TSC22D1: variants seen among roughly 807,000 people sequenced by gnomAD.
TSC22D1 encodes the protein TSC22 domain family member 1.
Under a neutral mutation model 74.2 loss-of-function variants are expected in TSC22D1, and 9 were observed. The ratio of observed to expected loss-of-function variants is 0.12; its 90% CI spans 0.07 to 0.21. TSC22D1 has a LOEUF of 0.21. Among genes scored for constraint, TSC22D1 ranks in the 10% least tolerant of loss-of-function variants. TSC22D1 has a pLI of 1.00. For synonymous variants in TSC22D1, 586 were observed against 492.5 expected (o/e 1.19, Z -2.51); for missense variants, 1,427 against 1,304.7 (o/e 1.09, Z -1.44).
intron 1 of TSC22D1, among the ~76,000 whole-genome samples, chr13:44,471,791 C>T (rs1877622364): frequency 2.0e-5 from 3 of 152,150 alleles, no homozygotes; most frequent in Non-Finnish European, 2.9e-5. Context: ...CTACCAATTA[C>T]AGGAGTCCTC....
chr13:44,493,274 C>CTCAGT (rs2137963267), intron 1 of TSC22D1, among the ~76,000 whole-genome samples: 1 of 152,312 alleles, frequency 6.6e-6, no homozygotes, highest in East Asian at 1.9e-4. Flanking sequence ...CAGCGTGGGA[C>CTCAGT]TCCAGTTCTA....
intron 1 of TSC22D1, among the ~76,000 whole-genome samples, chr13:44,497,944 C>G (rs1566140368): frequency 6.6e-6 from 1 of 152,076 alleles, no homozygotes; most frequent in African/African-American, 2.4e-5. Context: ...GCTCCTTATC[C>G]TAGCACAAAA....
Position 44,573,992 on chromosome 13 carries a change from G to T in TSC22D1, c.2083C>A (p.Pro695Thr). The change falls in exon 1 of 3, where the codon CCA becomes ACA. Residue 695 changes from proline to threonine, a missense_variant. Physicochemically the swap from Pro to Thr is conservative, Grantham distance 38. Transcript: ENST00000458659. ...PVAQPQGIQL[P>T]VQPTAVPAQP... ...GCTGGGACTGCTGTGGGCTGCACTG[G>T]CAGCTGGATACCCTGTGGCTGAGCC... 2 of 1,614,032 alleles carry T rather than the reference G, an allele frequency of 1.2e-6. No homozygotes were observed. The highest frequency in any genetic ancestry group is 1.7e-6 in the Non-Finnish European group (2 of 1,180,030).
intron 1 of TSC22D1, chr13:44,436,744 C>G (rs1874682539): frequency 6.7e-7 from 1 of 1,484,464 alleles, no homozygotes; most frequent in Admixed American, 2.4e-5. Context: ...AAAACGGCAG[C>G]CCTAATTTAA....
At chr13:44,517,573 G>A (rs1880055839) in intron 1 of TSC22D1, among the ~76,000 whole-genome samples, 1 of 151,202 alleles carries the variant, frequency 6.6e-6, no homozygotes, top group African/African-American at 2.4e-5. Flanking sequence ...GGCCAGGTGC[G>A]GTGGCTTGCG....
chr13:44,499,545 C>T lies in TSC22D1; in HGVS notation c.2913-63450G>A, dbSNP rs934737153. Among the ~76,000 whole-genome samples the T allele has an allele frequency of 2.0e-5, 3 of 152,090 alleles. No individual in the cohort carries two copies. In the East Asian group the frequency reaches 5.8e-4, roughly 29 times the overall value. ...TTTACAACATCTATAGATTTCAAAC[C>T]CTGGAAGGCATGAAGCACAACTATA... On this transcript the variant is annotated intron_variant, in intron 1 of 2. Transcript: ENST00000458659.
chr13:44,575,895 A>C lies in TSC22D1; in HGVS notation c.180T>G (p.Pro60=). The C allele has an allele frequency of 7.4e-6, 12 of 1,613,944 alleles. No individual in the cohort carries two copies. Among genetic ancestry groups the C allele is most frequent in the Non-Finnish European group, 9.3e-6 (11 of 1,179,990 alleles). ...SNATSSEDFP[P]PSLLQPPPPA... ...GGGGCGGCGGCTGAAGCAGCGACGG[A>C]GGCGGAAAATCCTCGGAAGATGTGG... The change falls in exon 1 of 3, where the codon CCT becomes CCG. Residue 60 remains proline, a synonymous_variant. Transcript: ENST00000458659.
chr13:44,472,441 G>A (rs1877657910), intron 1 of TSC22D1, among the ~76,000 whole-genome samples: 1 of 151,930 alleles, frequency 6.6e-6, no homozygotes, highest in Admixed American at 6.6e-5. Context: ...CTCAACCATT[G>A]ACATATCTGA....
Position 44,561,294 on chromosome 13 carries a change from A to T in TSC22D1, c.2912+11869T>A, listed in dbSNP as rs111424330. On this transcript the variant is annotated intron_variant, in intron 1 of 2. Coordinates refer to ENST00000458659, the MANE Select transcript of TSC22D1 (RefSeq NM_183422.4). ...CCATTTCTACCACTGAGGAAAAAGGAATTATTGAGTTTCTCATACTCAATT... is the reference window on the plus strand; with the variant it reads ...CCATTTCTACCACTGAGGAAAAAGGTATTATTGAGTTTCTCATACTCAATT... Among the ~76,000 whole-genome samples the T allele has an allele frequency of 3.0e-4, 46 of 152,324 alleles. 1 individual carries two copies. The highest frequency in any genetic ancestry group is 1.1e-3 in the African/African-American group (46 of 41,580).
chr13:44,444,278 CAAAAAAAAAAAAAAAAAAAAAAAAA>C (rs71070905), intron 1 of TSC22D1, among the ~76,000 whole-genome samples: 1 of 17,580 alleles, frequency 5.7e-5, no homozygotes, highest in Non-Finnish European at 9.5e-5. Context: ...GACTCTGTCT[CAAAAAAAAAAAAAAAAAAAAAAAAA>C]AAAAAGAAAA....
At chr13:44,484,492 C>T (rs1175106701) in intron 1 of TSC22D1, among the ~76,000 whole-genome samples, 1 of 152,056 alleles carries the variant, frequency 6.6e-6, no homozygotes, top group African/African-American at 2.4e-5. Context: ...CAGAAACATA[C>T]GTTACTTTAA....
chr13:44,556,651 G>A (rs946397306), intron 1 of TSC22D1, among the ~76,000 whole-genome samples: 1 of 151,550 alleles, frequency 6.6e-6, no homozygotes, highest in Non-Finnish European at 1.5e-5. Context: ...AGATCACTTA[G>A]GGTCAGGAGT....
chr13:44,570,031 C>T (rs1020434496), intron 1 of TSC22D1, among the ~76,000 whole-genome samples: 1 of 152,140 alleles, frequency 6.6e-6, no homozygotes, highest in Non-Finnish European at 1.5e-5. Flanking sequence ...AAGAGAACAT[C>T]TGAGCTGAGT....
At chr13:44,519,662 G>T (rs1186714897) in intron 1 of TSC22D1, among the ~76,000 whole-genome samples, 1 of 152,010 alleles carries the variant, frequency 6.6e-6, no homozygotes, top group Non-Finnish European at 1.5e-5. Flanking sequence ...AAAATTAATT[G>T]GAAGCCAATA....
rs557877377 is a variant in TSC22D1, at chr13:44,545,495, G to A, written c.2912+27668C>T. Among the ~76,000 whole-genome samples, 13 of 149,064 alleles carry A rather than the reference G, an allele frequency of 8.7e-5. No individual in the cohort carries two copies. In the South Asian group the frequency reaches 2.6e-3, roughly 29 times the overall value. On this transcript the variant is annotated intron_variant, in intron 1 of 2. Transcript: ENST00000458659. ...TTAACCTATCCATTACTTTTACCTC[G>A]CTAGTGTCTTCTTCGTCTTGCTAGC...
At chr13:44,545,684 A>G (rs192354704) in intron 1 of TSC22D1, among the ~76,000 whole-genome samples, 3 of 152,134 alleles carry the variant, frequency 2.0e-5, no homozygotes, top group Admixed American at 1.3e-4. Flanking sequence ...CTCAGAAAAC[A>G]TGAAAGACCA....
chr13:44,562,247 C>T (rs1364651294), intron 1 of TSC22D1, among the ~76,000 whole-genome samples: 3 of 152,022 alleles, frequency 2.0e-5, no homozygotes, highest in Non-Finnish European at 4.4e-5. Context: ...TACCATGTTG[C>T]CCAGACTGGT....
intron 1 of TSC22D1, among the ~76,000 whole-genome samples, chr13:44,455,866 G>A (rs1211953235): frequency 6.6e-6 from 1 of 152,186 alleles, no homozygotes; most frequent in East Asian, 1.9e-4. Context: ...AAATATAAAA[G>A]AGACGTCAAT....
intron 1 of TSC22D1, among the ~76,000 whole-genome samples, chr13:44,544,092 C>CAAAAAAT (rs976281850): frequency 6.6e-6 from 1 of 151,786 alleles, no homozygotes; most frequent in African/African-American, 2.4e-5. Flanking sequence ...GACTCCGTCT[C>CAAAAAAT]AAAAAATAAA....
Sources: allele counts gnomAD v4.1 joint callset (sites outside exome capture counted in the v4.1 genomes callset), GRCh38; gene constraint gnomAD v4.1.1; transcripts MANE v1.5; gene names NCBI Gene and HGNC (gene_info 2026-07-23, HGNC 2026-07-21).